The following TAFA5 variants were observed in gnomAD, a reference collection of about 807,000 sequenced individuals.
TAFA5 encodes the protein chemokine-like protein TAFA-5.
In TAFA5, 6 loss-of-function variants were observed where a neutral mutation model predicts 15.3. That is an observed-to-expected ratio of 0.39 (90% CI 0.21 to 0.77). TAFA5 has a LOEUF of 0.77. TAFA5 is among the 30% of genes least tolerant of loss of function. The pLI, the probability that TAFA5 is intolerant of heterozygous loss-of-function variation, is 0.41. For missense variants in TAFA5, 161 were observed against 193.1 expected, an observed-to-expected ratio of 0.83 and a Z score of 0.98; for synonymous variants, 103 against 80.7, an observed-to-expected ratio of 1.28 and a Z score of -1.48.
chr22:48,575,374 G>A (rs1923733008), intron 1 of TAFA5, among the ~76,000 whole-genome samples: 1 of 149,178 alleles, frequency 6.7e-6, no homozygotes, highest in African/African-American at 2.4e-5. Flanking sequence ...CGGCTCCGCG[G>A]CCGGGAGGAG....
At chr22:48,578,866 G>A (rs548386439) in intron 1 of TAFA5, among the ~76,000 whole-genome samples, 1 of 152,318 alleles carries the variant, frequency 6.6e-6, no homozygotes, top group Admixed American at 6.5e-5. Context: ...CAGGGAGGGG[G>A]GTGGCCGACT....
chr22:48,535,254 T>G (rs1165171210), intron 1 of TAFA5, among the ~76,000 whole-genome samples: 1 of 151,848 alleles, frequency 6.6e-6, no homozygotes, highest in Non-Finnish European at 1.5e-5. Flanking sequence ...AGTGTGTCTT[T>G]TCATCCACAC....
At chr22:48,567,347 G>A (rs996772695) in intron 1 of TAFA5, among the ~76,000 whole-genome samples, 5 of 152,226 alleles carry the variant, frequency 3.3e-5, no homozygotes, top group African/African-American at 1.2e-4. Flanking sequence ...TCCCGCCCCA[G>A]GCTGAGTGCT....
chr22:48,533,063 G>T (rs558609752), intron 1 of TAFA5, among the ~76,000 whole-genome samples: 104 of 152,264 alleles, frequency 6.8e-4, no homozygotes, highest in Admixed American at 1.4e-3. Flanking sequence ...GCTGACAGGT[G>T]CGGGCGGAGG....
intron 1 of TAFA5, chr22:48,544,664 G>A (rs909319122): frequency 2.1e-6 from 1 of 470,902 alleles, no homozygotes. Flanking sequence ...TGTGCACTAA[G>A]CACTCACTCT....
chr22:48,747,972 A>G (rs1456923174), intron 3 of TAFA5, among the ~76,000 whole-genome samples: 1 of 151,946 alleles, frequency 6.6e-6, no homozygotes. Context: ...TCAGATGGAA[A>G]CTTCTAGTGA....
At chr22:48,746,991 A>G (rs1433149324) in intron 3 of TAFA5, among the ~76,000 whole-genome samples, 1 of 152,198 alleles carries the variant, frequency 6.6e-6, no homozygotes, top group East Asian at 1.9e-4. Flanking sequence ...CATACCCTAC[A>G]GAGTGGGCTC....
At chr22:48,717,583 G>T (rs1929440235) in intron 3 of TAFA5, among the ~76,000 whole-genome samples, 1 of 152,248 alleles carries the variant, frequency 6.6e-6, no homozygotes. Context: ...GCTCCAGCGT[G>T]GGAACGTTGG....
In TAFA5 at chr22:48,560,294, G is replaced by A. The variant is rs1393303038; in HGVS notation, c.112+70590G>A. On this transcript the variant is annotated intron_variant, in intron 1 of 3. Transcript: ENST00000402357. The surrounding 1 kb of genome is among the most constrained non-coding windows in gnomAD (Gnocchi z 4.2). The stretch of plus-strand genomic sequence containing the variant: ...CAGGCTCCCGGCATTGGTGCACCCC[G>A]GCATTGGTGTGGCCACTGCACTGGT... 1.3e-5 allele frequency among the ~76,000 whole-genome samples: 2 copies of A among 152,228 alleles called. No homozygotes were observed. The highest frequency in any genetic ancestry group is 2.9e-5 in the Non-Finnish European group (2 of 68,044).
At chr22:48,589,321 A>T (rs1470575045) in intron 1 of TAFA5, among the ~76,000 whole-genome samples, 1 of 152,180 alleles carries the variant, frequency 6.6e-6, no homozygotes, top group Non-Finnish European at 1.5e-5. Context: ...TGAGGACTTG[A>T]GTCTCTGCAC....
At position 48,566,609 on chromosome 22, in the gene TAFA5, C is replaced by T. The variant is rs1457241558; in HGVS notation, c.112+76905C>T. On this transcript the variant is annotated intron_variant, in intron 1 of 3. Coordinates refer to ENST00000402357, the MANE Select transcript of TAFA5 (RefSeq NM_001082967.3). This position sits in a 1 kb window ranked among gnomAD's most constrained non-coding sequence, Gnocchi z 4.5. ...CGGGTACACCTAGCTTTAGCCCAACCTCTCCTTCTGCTGCCATAGGCAGGT... is the reference window on the plus strand; with the variant it reads ...CGGGTACACCTAGCTTTAGCCCAACTTCTCCTTCTGCTGCCATAGGCAGGT... 1.3e-5 allele frequency among the ~76,000 whole-genome samples: 2 copies of T among 152,188 alleles called. No homozygotes were observed. Among genetic ancestry groups the T allele is most frequent in the African/African-American group, 4.8e-5 (2 of 41,442 alleles).
chr22:48,491,632 T>G (rs1928157996), intron 1 of TAFA5, among the ~76,000 whole-genome samples: 1 of 152,264 alleles, frequency 6.6e-6, no homozygotes, highest in South Asian at 2.1e-4. Context: ...CGGTACACAC[T>G]GTCTCAAGAC....
intron 2 of TAFA5, among the ~76,000 whole-genome samples, chr22:48,653,032 G>T (rs1318101060): frequency 6.6e-6 from 1 of 152,232 alleles, no homozygotes; most frequent in Non-Finnish European, 1.5e-5. Flanking sequence ...GGCAGGCATT[G>T]CCAGCCACTG....
chr22:48,738,444 A>G (rs1415679268), intron 3 of TAFA5, among the ~76,000 whole-genome samples: 1 of 152,106 alleles, frequency 6.6e-6, no homozygotes, highest in Non-Finnish European at 1.5e-5. Flanking sequence ...CTCTGGGCGC[A>G]CAGCAAGGGA....
At chr22:48,553,056 C>T (rs1168675573) in intron 1 of TAFA5, among the ~76,000 whole-genome samples, 1 of 152,210 alleles carries the variant, frequency 6.6e-6, no homozygotes, top group Non-Finnish European at 1.5e-5. Context: ...CCTCATCTCC[C>T]ACCACCACAC....
chr22:48,562,730 C>A (rs1923280622), intron 1 of TAFA5, among the ~76,000 whole-genome samples: 1 of 152,238 alleles, frequency 6.6e-6, no homozygotes, highest in Non-Finnish European at 1.5e-5. Context: ...GCCAGGCCCC[C>A]ACGCCCAGTC....
At chr22:48,504,010 A>G (rs553150960) in intron 1 of TAFA5, among the ~76,000 whole-genome samples, 10 of 152,178 alleles carry the variant, frequency 6.6e-5, no homozygotes, top group Non-Finnish European at 8.8e-5. Context: ...TGCTCTCTGT[A>G]TCATGCCTAA....
rs370654365 is a variant in TAFA5, at chr22:48,500,564, C to T, written c.112+10860C>T. 8.5e-5 allele frequency among the ~76,000 whole-genome samples: 13 copies of T among 152,226 alleles called. No homozygotes were observed. In the East Asian group the frequency reaches 1.9e-3, roughly 23 times the overall value. ...CTGAGGAGGAAGGGGGTGTGGAAGG[C>T]GCCGGGCCCGCAGGCGGGCTGTGCT... On this transcript the variant is annotated intron_variant, in intron 1 of 3. Coordinates refer to ENST00000402357, the MANE Select transcript of TAFA5 (RefSeq NM_001082967.3).
At chr22:48,643,802 G>A (rs1163617299) in intron 1 of TAFA5, among the ~76,000 whole-genome samples, 1 of 152,222 alleles carries the variant, frequency 6.6e-6, no homozygotes, top group African/African-American at 2.4e-5. Context: ...CCCTGGGGTG[G>A]CCTGGACACC....
Sources: gnomAD v4.1 joint callset for allele counts (sites outside exome capture counted in the v4.1 genomes callset) on GRCh38, gnomAD v4.1.1 for gene constraint, Gnocchi (gnomAD v3.1) non-coding constraint, MANE v1.5 for transcripts, NCBI Gene and HGNC (gene_info 2026-07-23, HGNC 2026-07-21) for gene names.